PPIL6: variants seen among roughly 807,000 people sequenced by gnomAD.
PPIL6 encodes the protein peptidylprolyl isomerase like 6, also known as probable inactive peptidyl-prolyl cis-trans isomerase-like 6.
PPIL6 carries 39 observed loss-of-function variants against 36.8 expected under a neutral mutation model. That is an observed-to-expected ratio of 1.06 (90% CI 0.82 to 1.38). PPIL6 has a LOEUF of 1.38. Ranked by LOEUF, PPIL6 falls within the 40% of genes most tolerant of loss-of-function variation. The probability of loss-of-function intolerance (pLI) is 0.00; values close to 1 mark genes in which losing one functional copy is unlikely to be tolerated. For synonymous variants in PPIL6, 123 were observed against 134.1 expected, an observed-to-expected ratio of 0.92 and a Z score of 0.57; for missense variants, 368 against 379.1, an observed-to-expected ratio of 0.97 and a Z score of 0.24.
intron 1 of PPIL6, among the ~76,000 whole-genome samples, chr6:109,437,463 A>G (rs964249310): frequency 2.0e-5 from 3 of 152,118 alleles, no homozygotes; most frequent in East Asian, 3.8e-4. Context: ...TCTGTCCCCA[A>G]GCAATAGCTG....
intron 6 of PPIL6, among the ~76,000 whole-genome samples, chr6:109,407,051 C>G (rs1772825443): frequency 6.6e-6 from 1 of 152,208 alleles, no homozygotes; most frequent in South Asian, 2.1e-4. Context: ...TGGCATCTGC[C>G]ATTTCTCCCA....
rs186548945 is a variant in PPIL6, at chr6:109,425,845, A to T, written c.631+1002T>A. ...GTCAGGAGCCCCTAATATTAACAGG[A>T]CCCCTTGAGAAATGTTTTATACTAA... is the stretch of plus-strand genomic sequence containing the variant. On this transcript the variant is annotated intron_variant, in intron 5 of 7. Transcript: ENST00000521072. Among the ~76,000 whole-genome samples the T allele has an allele frequency of 9.9e-5, 15 of 152,144 alleles. No homozygotes were observed. The Middle Eastern group carries it at 0.014, about 138-fold the overall frequency.
chr6:109,426,157 G>A (rs1053162535), intron 5 of PPIL6, among the ~76,000 whole-genome samples: 3 of 152,178 alleles, frequency 2.0e-5, no homozygotes, highest in Non-Finnish European at 2.9e-5. Flanking sequence ...TTTTCTCCTC[G>A]TCAGCCTCAG....
At chr6:109,403,096 C>A in intron 6 of PPIL6, 1 of 1,527,322 alleles carries the variant, frequency 6.5e-7, no homozygotes, top group Non-Finnish European at 8.8e-7. Context: ...TCTTTTCAAG[C>A]TTCCATAAAG....
intron 3 of PPIL6, among the ~76,000 whole-genome samples, chr6:109,429,247 C>T (rs1773995229): frequency 6.6e-6 from 1 of 152,178 alleles, no homozygotes; most frequent in Non-Finnish European, 1.5e-5. Flanking sequence ...TATCCAATCC[C>T]CTGCTCCCAA....
At chr6:109,419,593 T>A (rs767072536) in intron 5 of PPIL6, among the ~76,000 whole-genome samples, 23 of 151,740 alleles carry the variant, frequency 1.5e-4, no homozygotes, top group Non-Finnish European at 3.1e-4. Flanking sequence ...CGTGGTGGCA[T>A]GTGCCTGTAA....
chr6:109,401,406 T>C (rs1228646219), intron 6 of PPIL6, among the ~76,000 whole-genome samples: 1 of 152,164 alleles, frequency 6.6e-6, no homozygotes, highest in Non-Finnish European at 1.5e-5. Context: ...TTCATAAATT[T>C]CTGAGAATAA....
intron 1 of PPIL6, among the ~76,000 whole-genome samples, chr6:109,438,860 T>G (rs899403430): frequency 1.3e-5 from 2 of 152,216 alleles, no homozygotes; most frequent in Non-Finnish European, 2.9e-5. Flanking sequence ...GTGCTGGGAT[T>G]ATAGGCAAGA....
intron 6 of PPIL6, among the ~76,000 whole-genome samples, chr6:109,415,140 C>A (rs541182087): frequency 1.3e-5 from 2 of 152,162 alleles, no homozygotes; most frequent in Admixed American, 1.3e-4. Context: ...GAAGGGGAGG[C>A]AGGAAAGGTG....
chr6:109,421,193 G>A (rs1252172993), intron 5 of PPIL6, among the ~76,000 whole-genome samples: 1 of 152,026 alleles, frequency 6.6e-6, no homozygotes. Context: ...GATCTCCTAG[G>A]TGAATATTTT....
chr6:109,401,728 CT>C (rs11397016), intron 6 of PPIL6, among the ~76,000 whole-genome samples: 66 of 145,906 alleles, frequency 4.5e-4, no homozygotes, highest in Non-Finnish European at 4.5e-4. Flanking sequence ...GAGAGTTTTT[CT>C]TTTTTTTTTT....
intron 5 of PPIL6, among the ~76,000 whole-genome samples, chr6:109,422,702 C>T (rs1272404696): frequency 3.3e-5 from 5 of 152,106 alleles, no homozygotes; most frequent in East Asian, 1.9e-4. Flanking sequence ...TTGATTAGAA[C>T]CCTAGTAGTT....
chr6:109,415,875 T>G (rs949681281), intron 6 of PPIL6, among the ~76,000 whole-genome samples: 1 of 152,220 alleles, frequency 6.6e-6, no homozygotes, highest in Non-Finnish European at 1.5e-5. Flanking sequence ...GCCTTTGGTG[T>G]TGAACTCATG....
At chr6:109,431,424 A>G in intron 2 of PPIL6, 79 bp from the exon 3 acceptor site, 1 of 1,015,538 alleles carries the variant, frequency 9.8e-7, no homozygotes, top group Non-Finnish European at 1.4e-6. Flanking sequence ...GCCAGAGCTT[A>G]GGATCAACTC....
Position 109,398,276 on chromosome 6 carries a change from G to A in PPIL6, c.824+1759C>T, listed in dbSNP as rs1772385425. ...AACTTAAGACAAGTCATTGTTTTAC[G>A]TTATGCATCTATTAATGTAATGTTA... On this transcript the variant is annotated intron_variant, in intron 7 of 7. Coordinates refer to ENST00000521072, the MANE Select transcript of PPIL6 (RefSeq NM_173672.5). Among the ~76,000 whole-genome samples the A allele has an allele frequency of 3.3e-5, 5 of 152,264 alleles. No homozygotes were observed. In the South Asian group the frequency reaches 1.0e-3, roughly 32 times the overall value.
intron 1 of PPIL6, 149 bp downstream of exon 1, chr6:109,440,307 A>G: frequency 9.8e-7 from 1 of 1,022,128 alleles, no homozygotes; most frequent in African/African-American, 1.6e-5. Flanking sequence ...CTCCAGACGG[A>G]GCCCGCCCGG....
intron 2 of PPIL6, among the ~76,000 whole-genome samples, chr6:109,435,528 C>T (rs780030392): frequency 2.1e-4 from 32 of 152,096 alleles, no homozygotes; most frequent in South Asian, 6.2e-4. Flanking sequence ...GATCTCCTGA[C>T]CTCATGATCG....
intron 1 of PPIL6, among the ~76,000 whole-genome samples, chr6:109,437,236 TG>T (rs1349784640): frequency 6.6e-6 from 1 of 152,162 alleles, no homozygotes; most frequent in Non-Finnish European, 1.5e-5. Context: ...TGAGTGGGTT[TG>T]GGAAGTAGAT....
In PPIL6 at chr6:109,401,759, C is replaced by T. The variant is rs534845979; in HGVS notation, c.689-1589G>A. ...TTTTTTTGTGAGATGGAGTCTCGCTCTGTTGCCCAGGCTGGAGTGCAGTGG... is the reference window on the plus strand; with the variant it reads ...TTTTTTTGTGAGATGGAGTCTCGCTTTGTTGCCCAGGCTGGAGTGCAGTGG... On this transcript the variant is annotated intron_variant, in intron 6 of 7. Coordinates refer to ENST00000521072, the MANE Select transcript of PPIL6 (RefSeq NM_173672.5). 1.2e-3 allele frequency among the ~76,000 whole-genome samples: 174 copies of T among 149,974 alleles called. 1 individual carries two copies. Among genetic ancestry groups the T allele is most frequent in the Middle Eastern group, 3.4e-3 (1 of 294 alleles).
Sources: allele counts gnomAD v4.1 joint callset (sites outside exome capture counted in the v4.1 genomes callset), GRCh38; gene constraint gnomAD v4.1.1; transcripts MANE v1.5; gene names NCBI Gene and HGNC (gene_info 2026-07-23, HGNC 2026-07-21).